Variants in ASTN2 observed in about 807,000 individuals in gnomAD.
ASTN2 encodes astrotactin 2.
ASTN2 carries 54 observed loss-of-function variants against 139.8 expected under a neutral mutation model. That is an observed-to-expected ratio of 0.39 (90% confidence interval 0.31 to 0.48). The LOEUF (loss-of-function observed/expected upper bound fraction) is 0.48. Ranked by LOEUF, ASTN2 falls within the 20% of genes least tolerant of loss-of-function variation. ASTN2 has a pLI of 0.95. For synonymous variants in ASTN2, 756 were observed against 719.5 expected, an observed-to-expected ratio of 1.05 and a Z score of -0.81; for missense variants, 1,565 against 1,725.1, an observed-to-expected ratio of 0.91 and a Z score of 1.64.
At chr9:116,992,719 T>C (rs1014533429) in intron 7 of ASTN2, among the ~76,000 whole-genome samples, 2 of 152,126 alleles carry the variant, frequency 1.3e-5, no homozygotes, top group Non-Finnish European at 2.9e-5. Context: ...CTCAAACACA[T>C]GGGGGACACA....
chr9:116,721,791 C>A (rs184616711), intron 16 of ASTN2, among the ~76,000 whole-genome samples: 1 of 152,312 alleles, frequency 6.6e-6, no homozygotes, highest in Non-Finnish European at 1.5e-5. Flanking sequence ...ACTCTGCCTT[C>A]CTGCCTGGAG....
intron 17 of ASTN2, among the ~76,000 whole-genome samples, chr9:116,640,953 T>G (rs1286964148): frequency 6.6e-6 from 1 of 152,168 alleles, no homozygotes; most frequent in Non-Finnish European, 1.5e-5. Context: ...TGGAATGGGT[T>G]GTATTTTGTG....
At chr9:116,988,938 T>G (rs1836761512) in intron 7 of ASTN2, among the ~76,000 whole-genome samples, 1 of 152,186 alleles carries the variant, frequency 6.6e-6, no homozygotes, top group Non-Finnish European at 1.5e-5. Context: ...AACACAACTC[T>G]GTTCTCCCTT....
chr9:116,820,304 T>C (rs1831450934), intron 12 of ASTN2, among the ~76,000 whole-genome samples: 1 of 152,190 alleles, frequency 6.6e-6, no homozygotes, highest in African/African-American at 2.4e-5. Flanking sequence ...ACTAGGCCCA[T>C]ACAGGTAGAT....
At position 116,651,788 on chromosome 9, in the gene ASTN2, T is replaced by G; in HGVS notation, c.2812A>C (p.Thr938Pro). The change falls in exon 17 of 23, where the codon ACA (threonine) becomes CCA (proline). Residue 938 changes from threonine (T) to proline (P), a missense_variant. Thr to Pro is a conservative substitution (Grantham distance 38). Coordinates refer to ENST00000313400, the MANE Select transcript of ASTN2 (RefSeq NM_001365068.1). ...QLWLQYQKETTELGSKKELKS... is the reference protein window; with the variant it reads ...QLWLQYQKETPELGSKKELKS... ...AGCTCCTTCTTGCTGCCCAGCTCTG[T>G]GGTCTCTGGAGAGGCACAAGACAGG... 6.2e-7 allele frequency: 1 copy of G among 1,613,296 alleles called. No homozygotes were observed. Among genetic ancestry groups the G allele is most frequent in the Non-Finnish European group, 8.5e-7 (1 of 1,179,364 alleles).
chr9:116,439,193 C>CT (rs1564277528), intron 22 of ASTN2, among the ~76,000 whole-genome samples: 1 of 102,780 alleles, frequency 9.7e-6, no homozygotes, highest in African/African-American at 3.7e-5. Context: ...TATTCAAATA[C>CT]ATTTTTTTTT....
chr9:116,767,786 G>T lies in ASTN2; in HGVS notation c.2397-34263C>A, dbSNP rs1451073253. On this transcript the variant is annotated intron_variant, in intron 13 of 22. Coordinates refer to ENST00000313400, the MANE Select transcript of ASTN2 (RefSeq NM_001365068.1). ...CCTTGCTGAGAGCCCTCTTAACAAT[G>T]ATGGGGAACAGAGGAATGGAGCAAT... Among the ~76,000 whole-genome samples, 14 of 152,194 alleles carry T rather than the reference G, an allele frequency of 9.2e-5. 1 individual carries two copies. The highest frequency in any genetic ancestry group is 9.2e-4 in the Admixed American group (14 of 15,280).
chr9:116,435,384 C>A (rs1400998589), intron 22 of ASTN2, among the ~76,000 whole-genome samples: 1 of 152,188 alleles, frequency 6.6e-6, no homozygotes, highest in African/African-American at 2.4e-5. Context: ...CAAACTGCTC[C>A]TCTGTTTAAA....
chr9:117,020,213 T>C (rs908703287), intron 6 of ASTN2, among the ~76,000 whole-genome samples: 1 of 152,068 alleles, frequency 6.6e-6, no homozygotes, highest in African/African-American at 2.4e-5. Flanking sequence ...GATGGTACTA[T>C]TACTAGTACT....
At chr9:116,723,038 G>A (rs1275069066) in intron 16 of ASTN2, among the ~76,000 whole-genome samples, 5 of 152,134 alleles carry the variant, frequency 3.3e-5, no homozygotes, top group South Asian at 2.1e-4. Flanking sequence ...GGTGGCGGGC[G>A]CCTGTAGTCC....
intron 3 of ASTN2, among the ~76,000 whole-genome samples, chr9:117,201,199 T>C (rs537937038): frequency 6.6e-6 from 1 of 152,224 alleles, no homozygotes; most frequent in East Asian, 1.9e-4. Flanking sequence ...TAGTTTGTAT[T>C]TATATGGGGT....
chr9:116,492,231 A>C (rs1244165883), intron 19 of ASTN2, among the ~76,000 whole-genome samples: 1 of 151,826 alleles, frequency 6.6e-6, no homozygotes, highest in African/African-American at 2.4e-5. Context: ...ATAGGTGCCC[A>C]CCACCATGCC....
At chr9:117,043,716 T>G (rs1170352108) in intron 5 of ASTN2, among the ~76,000 whole-genome samples, 11 of 152,082 alleles carry the variant, frequency 7.2e-5, no homozygotes. Flanking sequence ...AAGACCAGCC[T>G]GGCCAACACG....
At chr9:116,722,609 A>T (rs970014447) in intron 16 of ASTN2, among the ~76,000 whole-genome samples, 4 of 152,150 alleles carry the variant, frequency 2.6e-5, no homozygotes, top group Non-Finnish European at 5.9e-5. Context: ...TGCCTCTGTA[A>T]GTTAAGGTTT....
At chr9:117,085,030 G>A (rs1828525667) in intron 5 of ASTN2, among the ~76,000 whole-genome samples, 1 of 152,168 alleles carries the variant, frequency 6.6e-6, no homozygotes, top group Admixed American at 6.5e-5. Flanking sequence ...TCTCAAGTAG[G>A]AAGCACCAGA....
At chr9:117,375,483 C>T (rs1421216347) in intron 1 of ASTN2, among the ~76,000 whole-genome samples, 8 of 152,200 alleles carry the variant, frequency 5.3e-5, no homozygotes, top group Non-Finnish European at 8.8e-5. Context: ...CTTCCACGAG[C>T]AAGCATTTAT....
chr9:116,738,186 C>T lies in ASTN2; in HGVS notation c.2397-4663G>A, dbSNP rs369720864. Among the ~76,000 whole-genome samples the T allele has an allele frequency of 7.0e-5, 9 of 127,936 alleles. No homozygotes were observed. The South Asian group carries it at 7.4e-4, about 11-fold the overall frequency. The allele number at this position is 127,936 out of a possible 152,430, so 83.9% of individuals were successfully genotyped here. On this transcript the variant is annotated intron_variant, in intron 13 of 22. Coordinates refer to ENST00000313400, the MANE Select transcript of ASTN2 (RefSeq NM_001365068.1). ...CAGCCTGGGCGACAGAGCGAGACTC[C>T]GTCTCAAAAAAAAAAAAAAGACTAC...
At chr9:117,026,464 G>A (rs140842633) in intron 6 of ASTN2, among the ~76,000 whole-genome samples, 1 of 152,126 alleles carries the variant, frequency 6.6e-6, no homozygotes, top group Admixed American at 6.6e-5. Flanking sequence ...GATGTCTGGG[G>A]TCATCAACCT....
At chr9:117,127,578 T>C (rs191549099) in intron 4 of ASTN2, among the ~76,000 whole-genome samples, 75 of 152,130 alleles carry the variant, frequency 4.9e-4, no homozygotes, top group South Asian at 1.0e-3. Flanking sequence ...AGAGTTTAAT[T>C]ATTGCACAGC....
Sources: allele counts gnomAD v4.1 joint callset (sites outside exome capture counted in the v4.1 genomes callset), GRCh38; gene constraint gnomAD v4.1.1; transcripts MANE v1.5; gene names NCBI Gene and HGNC (gene_info 2026-07-23, HGNC 2026-07-21).